The following GNB4 variants were observed in gnomAD, a reference collection of about 807,000 sequenced individuals.
The protein encoded by GNB4 is G protein subunit beta 4, also known as guanine nucleotide-binding protein subunit beta-4.
GNB4 carries 28 observed loss-of-function variants against 45.2 expected under a neutral mutation model. The observed-to-expected ratio is 0.62, with a 90% CI of 0.46 to 0.85. The LOEUF is 0.85. GNB4 is among the 40% of genes least tolerant of loss of function. GNB4 has a pLI of 0.00. For synonymous variants in GNB4, 132 were observed against 143.7 expected (o/e 0.92, Z 0.58); for missense variants, 321 against 425.4 (o/e 0.75, Z 2.16).
intron 1 of GNB4, among the ~76,000 whole-genome samples, chr3:179,445,689 G>A (rs1715703880): frequency 6.6e-6 from 1 of 152,212 alleles, no homozygotes; most frequent in East Asian, 1.9e-4. Context: ...TAGTTATGAT[G>A]CATTCATACA....
the GNB4 span, among the ~76,000 whole-genome samples, chr3:179,457,904 C>CTTTTTT: frequency 7.3e-6 from 1 of 137,914 alleles, no homozygotes; most frequent in Non-Finnish European, 1.6e-5. Flanking sequence ...CATTTTAGTT[C>CTTTTTT]TTTTTTTTTT....
the GNB4 span, among the ~76,000 whole-genome samples, chr3:179,487,684 TTTTG>T: frequency 2.4e-4 from 36 of 152,212 alleles, no homozygotes; most frequent in South Asian, 4.2e-4. Flanking sequence ...CCACAAGGTT[TTTTG>T]TTTGTTTGTT....
intron 8 of GNB4, among the ~76,000 whole-genome samples, chr3:179,408,393 A>G (rs778508911): frequency 6.6e-5 from 10 of 152,238 alleles, no homozygotes; most frequent in Non-Finnish European, 1.5e-4. Flanking sequence ...ATCCTGAACA[A>G]TAAGATGAAC....
At chr3:179,450,881 G>T (rs551586914) in intron 1 of GNB4, 1 of 152,150 alleles carries the variant, frequency 6.6e-6, no homozygotes, top group African/African-American at 2.4e-5. Flanking sequence ...GACTAATTTT[G>T]GACTCAGCGT....
the GNB4 span, among the ~76,000 whole-genome samples, chr3:179,520,040 T>TTA: frequency 6.6e-6 from 1 of 152,148 alleles, no homozygotes; most frequent in Non-Finnish European, 1.5e-5. Flanking sequence ...CACCCCGTGG[T>TTA]GGCACACCCA....
At chr3:179,433,104 AAAT>A in intron 1 of GNB4, among the ~76,000 whole-genome samples, 1 of 152,216 alleles carries the variant, frequency 6.6e-6, no homozygotes, top group East Asian at 1.9e-4. Context: ...ACTTTTCCTG[AAAT>A]AATGATAAAA....
At chr3:179,414,037 G>GAA (rs778550454) in intron 6 of GNB4, among the ~76,000 whole-genome samples, 1 of 152,008 alleles carries the variant, frequency 6.6e-6, no homozygotes, top group Non-Finnish European at 1.5e-5. Context: ...AATTGAATAA[G>GAA]ACACAGCCCC....
At position 179,399,965 on chromosome 3, in the gene GNB4, TTAATA is replaced by T. The variant is rs1714236904; in HGVS notation, c.*1243_*1247del. On this transcript the variant is annotated 3_prime_UTR_variant, in exon 10 of 10. Transcript: ENST00000232564. ...CATTATTATACCACAGAAAAACTGT[TTAATA>T]TAGCTCTCTAACTCCTTTAAGAACT... 6.6e-6 allele frequency: 1 copy of T among 152,210 alleles called. No individual in the cohort carries two copies. The highest frequency in any genetic ancestry group is 2.4e-5 in the African/African-American group (1 of 41,448). The allele number at this position is 152,210 out of a possible 1,614,324, so 9.4% of individuals were successfully genotyped here.
chr3:179,426,404 G>T (rs928382436), intron 1 of GNB4, among the ~76,000 whole-genome samples, 162 bp from the exon 2 acceptor site: 1 of 151,986 alleles, frequency 6.6e-6, no homozygotes, highest in African/African-American at 2.4e-5. Flanking sequence ...ATAGAATGAG[G>T]TTATTTACTG....
intron 1 of GNB4, among the ~76,000 whole-genome samples, chr3:179,448,486 T>C (rs1266085483): frequency 6.6e-6 from 1 of 152,182 alleles, no homozygotes; most frequent in Non-Finnish European, 1.5e-5. Flanking sequence ...TTTTTTTTTT[T>C]TCTTCTGGGA....
At chr3:179,418,897 C>T (rs887861224) in intron 4 of GNB4, among the ~76,000 whole-genome samples, 1 of 152,256 alleles carries the variant, frequency 6.6e-6, no homozygotes, top group African/African-American at 2.4e-5. Flanking sequence ...GCCTGTGCAC[C>T]TGCAGATGGT....
chr3:179,416,400 C>G, intron 5 of GNB4, 93 bp downstream of exon 5: 1 of 691,060 alleles, frequency 1.4e-6, no homozygotes, highest in Non-Finnish European at 2.5e-6. Flanking sequence ...TCTCAGAAAG[C>G]AATTTAAGTT....
the GNB4 span, among the ~76,000 whole-genome samples, chr3:179,508,111 A>C: frequency 1.3e-5 from 2 of 152,242 alleles, no homozygotes; most frequent in Non-Finnish European, 2.9e-5. Flanking sequence ...TTTAACTGAA[A>C]GTATCCAAAT....
chr3:179,413,863 T>A (rs893075421), intron 6 of GNB4, 82 bp from the exon 7 acceptor site: 64 of 1,007,798 alleles, frequency 6.4e-5, no homozygotes, highest in Non-Finnish European at 6.8e-5. Context: ...TATATATTTT[T>A]AAAAATAGAA....
intron 3 of GNB4, among the ~76,000 whole-genome samples, chr3:179,419,728 A>G (rs1489740403): frequency 2.0e-5 from 3 of 152,230 alleles, no homozygotes; most frequent in Non-Finnish European, 2.9e-5. Flanking sequence ...AATAATATAC[A>G]TAAATGTATA....
In GNB4 at chr3:179,416,504, T is replaced by C. The variant is rs537352755; in HGVS notation, c.256A>G (p.Thr86Ala). 6.3e-7 allele frequency: 1 copy of C among 1,576,754 alleles called. No individual in the cohort carries two copies. Among genetic ancestry groups the C allele is most frequent in the East Asian group, 2.3e-5 (1 of 44,154 alleles). Residue 86 changes from threonine (T) to alanine (A), a missense_variant, in exon 5 of 10, where the codon ACA (threonine) becomes GCA (alanine). Transcript: ENST00000232564. ...DGKLIIWDSY[T>A]TNKMHAIPLR... ...TGAAGAAATTCTACCTTATTTGTTGTATAGCTATCCCAAATAATTAATTTT... is the reference window on the plus strand; with the variant it reads ...TGAAGAAATTCTACCTTATTTGTTGCATAGCTATCCCAAATAATTAATTTT...
At chr3:179,469,023 T>C in the GNB4 span, among the ~76,000 whole-genome samples, 2 of 152,218 alleles carry the variant, frequency 1.3e-5, no homozygotes. Flanking sequence ...TCTAGGTCTT[T>C]TAGATAAACC....
At chr3:179,498,415 A>C in the GNB4 span, among the ~76,000 whole-genome samples, 2 of 152,084 alleles carry the variant, frequency 1.3e-5, no homozygotes, top group African/African-American at 4.8e-5. Flanking sequence ...ACTGGGCAAA[A>C]ATAGTTGGTT....
chr3:179,525,285 T>C, the GNB4 span, among the ~76,000 whole-genome samples: 11 of 152,268 alleles, frequency 7.2e-5, no homozygotes, highest in Admixed American at 2.0e-4. Flanking sequence ...CGAGTTTGTA[T>C]TGGGGCCCAA....
Sources: allele counts gnomAD v4.1 joint callset (sites outside exome capture counted in the v4.1 genomes callset), GRCh38; gene constraint gnomAD v4.1.1; transcripts MANE v1.5; gene names NCBI Gene and HGNC (gene_info 2026-07-23, HGNC 2026-07-21).